PHF24: variants seen among roughly 807,000 people sequenced by gnomAD.
The protein encoded by PHF24 is PHD finger protein 24.
Under a neutral mutation model 42.6 loss-of-function variants are expected in PHF24, and 25 were observed. That is an observed-to-expected ratio of 0.59 (90% CI 0.43 to 0.82). PHF24 has a LOEUF of 0.82. PHF24 is among the 40% of genes least tolerant of loss of function. The probability of loss-of-function intolerance (pLI) is 0.00; values close to 1 mark genes in which losing one functional copy is unlikely to be tolerated. For synonymous variants in PHF24, 185 were observed against 204.8 expected, an observed-to-expected ratio of 0.90 and a Z score of 0.83; for missense variants, 470 against 538.1, an observed-to-expected ratio of 0.87 and a Z score of 1.25.
chr9:34,690,128 A>C, the PHF24 span: 1 of 1,592,120 alleles, frequency 6.3e-7, no homozygotes, highest in Non-Finnish European at 8.6e-7. Flanking sequence ...TGGGCTTGGC[A>C]TGGAGAAGGG....
At chr9:34,966,476 G>C (rs1486830342) in intron 1 of PHF24, among the ~76,000 whole-genome samples, 2 of 151,954 alleles carry the variant, frequency 1.3e-5, no homozygotes, top group African/African-American at 2.4e-5. Context: ...TGAGAGGATT[G>C]CTTGAAATTT....
chr9:34,852,126 G>C, the PHF24 span, among the ~76,000 whole-genome samples: 3 of 152,084 alleles, frequency 2.0e-5, no homozygotes, highest in East Asian at 5.8e-4. Flanking sequence ...CCTCTATAAT[G>C]ATCCACTTCC....
the PHF24 span, among the ~76,000 whole-genome samples, chr9:34,742,938 G>T: frequency 1.8e-5 from 1 of 57,130 alleles, no homozygotes; most frequent in Non-Finnish European, 5.0e-5. Context: ...ATGCCCATTT[G>T]TTGATGTATT....
the PHF24 span, among the ~76,000 whole-genome samples, chr9:34,826,433 G>A: frequency 1.2e-4 from 18 of 152,214 alleles, no homozygotes; most frequent in African/African-American, 2.7e-4. Context: ...GGCCCTGGTT[G>A]TCTGGTTAAG....
At chr9:34,900,466 G>A in the PHF24 span, among the ~76,000 whole-genome samples, 1 of 152,156 alleles carries the variant, frequency 6.6e-6, no homozygotes, top group Non-Finnish European at 1.5e-5. Context: ...GGACATGGTG[G>A]TGTGCACCTG....
the PHF24 span, among the ~76,000 whole-genome samples, chr9:34,868,941 T>G: frequency 6.6e-6 from 1 of 152,178 alleles, no homozygotes; most frequent in Non-Finnish European, 1.5e-5. Flanking sequence ...CAGTGTGTGT[T>G]GTTCCCCACC....
At chr9:34,689,427 T>A in the PHF24 span, 1 of 209,524 alleles carries the variant, frequency 4.8e-6, no homozygotes, top group African/African-American at 2.3e-5. This position sits in a 1 kb window ranked among gnomAD's most constrained non-coding sequence, Gnocchi z 4.1. Flanking sequence ...ACCTCCCCCT[T>A]CCTATTCCTG....
chr9:34,808,570 A>G, the PHF24 span, among the ~76,000 whole-genome samples: 1 of 152,168 alleles, frequency 6.6e-6, no homozygotes, highest in Admixed American at 6.5e-5. Flanking sequence ...TATTTCTTAC[A>G]GTTCTGGAGG....
At chr9:34,711,654 T>C in the PHF24 span, among the ~76,000 whole-genome samples, 1 of 151,882 alleles carries the variant, frequency 6.6e-6, no homozygotes, top group Admixed American at 6.6e-5. Context: ...GCCATTCTCC[T>C]GCCTCAGCCT....
At chr9:34,832,219 C>T in the PHF24 span, 1 of 426,944 alleles carries the variant, frequency 2.3e-6, no homozygotes. Context: ...GTTGGGGAGC[C>T]TATAAACTCT....
the PHF24 span, among the ~76,000 whole-genome samples, chr9:34,878,237 T>C: frequency 6.6e-6 from 1 of 152,152 alleles, no homozygotes; most frequent in African/African-American, 2.4e-5. Context: ...AGAATAAATT[T>C]TTTAAGGTTC....
chr9:34,947,064 C>T, the PHF24 span, among the ~76,000 whole-genome samples: 1 of 152,198 alleles, frequency 6.6e-6, no homozygotes, highest in Non-Finnish European at 1.5e-5. Context: ...ATGTGGTTCT[C>T]ATTCAGCTGC....
the PHF24 span, among the ~76,000 whole-genome samples, chr9:34,715,325 C>T: frequency 6.6e-6 from 1 of 152,140 alleles, no homozygotes; most frequent in African/African-American, 2.4e-5. Context: ...AGAGCCATTA[C>T]CCTTTTCTGG....
At chr9:34,747,257 A>AATT in the PHF24 span, among the ~76,000 whole-genome samples, 4 of 152,188 alleles carry the variant, frequency 2.6e-5, no homozygotes, top group African/African-American at 9.6e-5. Flanking sequence ...TCTACAAAAA[A>AATT]ATTAAAAAGT....
the PHF24 span, among the ~76,000 whole-genome samples, chr9:34,684,596 A>G: frequency 0.041 from 6,216 of 152,228 alleles, 436 homozygotes; most frequent in African/African-American, 0.14. Flanking sequence ...AGGCATTGGG[A>G]CATCCTATCA....
chr9:34,934,783 T>C, the PHF24 span, among the ~76,000 whole-genome samples: 1 of 152,192 alleles, frequency 6.6e-6, no homozygotes. Flanking sequence ...TTATCATTTA[T>C]TTAGCAATGT....
chr9:34,727,501 T>C, the PHF24 span, among the ~76,000 whole-genome samples: 1 of 152,202 alleles, frequency 6.6e-6, no homozygotes, highest in African/African-American at 2.4e-5. Flanking sequence ...AGTCCTGTTC[T>C]CTAGAGCTCT....
At chr9:34,719,276 T>C in the PHF24 span, among the ~76,000 whole-genome samples, 1 of 152,216 alleles carries the variant, frequency 6.6e-6, no homozygotes. Context: ...TGACCTCAAG[T>C]GATCCACCCG....
chr9:34,850,600 C>G, the PHF24 span, among the ~76,000 whole-genome samples: 1 of 152,242 alleles, frequency 6.6e-6, no homozygotes, highest in Non-Finnish European at 1.5e-5. Context: ...CTTCTCTCAA[C>G]TCGTCGAAGT....
Sources: allele counts gnomAD v4.1 joint callset (sites outside exome capture counted in the v4.1 genomes callset), GRCh38; gene constraint gnomAD v4.1.1; non-coding constraint Gnocchi (gnomAD v3.1); transcripts MANE v1.5; gene names NCBI Gene and HGNC (gene_info 2026-07-23, HGNC 2026-07-21).